The following DPP8 variants were observed in gnomAD, a reference collection of about 807,000 sequenced individuals.
The protein encoded by DPP8 is DPP VIII.
In DPP8, 31 loss-of-function variants were observed where a neutral mutation model predicts 107.5. That is an observed-to-expected ratio of 0.29 (90% CI 0.22 to 0.39). The LOEUF is 0.39. Among genes scored for constraint, DPP8 ranks in the 10% least tolerant of loss-of-function variants. The probability of loss-of-function intolerance (pLI) is 1.00; values close to 1 mark genes in which losing one functional copy is unlikely to be tolerated. For missense variants in DPP8, 842 were observed against 1,076.1 expected (o/e 0.78, Z 3.04); for synonymous variants, 381 against 356.6 (o/e 1.07, Z -0.77).
At chr15:65,476,798 C>T (rs2066427964) in intron 11 of DPP8, among the ~76,000 whole-genome samples, 1 of 152,114 alleles carries the variant, frequency 6.6e-6, no homozygotes, top group South Asian at 2.1e-4. Flanking sequence ...ATCCCAGTGC[C>T]CATCAACAGA....
chr15:65,512,630 G>A lies in DPP8; in HGVS notation c.-11-66C>T, dbSNP rs531023095. ...TTCTATTATCAGAATGATTCTCTGA[G>A]AGGGTCAAAAAAAAAGCGGGGGAGT... is the stretch of plus-strand genomic sequence containing the variant. On this transcript the variant is annotated intron_variant, in intron 1 of 19. Transcript: ENST00000300141. 4.5e-6 allele frequency: 7 copies of A among 1,553,962 alleles called. No homozygotes were observed. The African/African-American group carries it at 6.9e-5, about 15-fold the overall frequency.
At chr15:65,489,082 TC>T (rs1285492308) in intron 6 of DPP8, among the ~76,000 whole-genome samples, 4 of 152,134 alleles carry the variant, frequency 2.6e-5, no homozygotes, top group African/African-American at 9.7e-5. Context: ...TGCCTCAGCC[TC>T]CCGAGTAGCT....
chr15:65,494,001 C>A (rs1288400835), intron 5 of DPP8, among the ~76,000 whole-genome samples: 1 of 141,740 alleles, frequency 7.1e-6, no homozygotes, highest in East Asian at 1.9e-4. Context: ...GATATTAACT[C>A]ATTAAAGCCT....
At chr15:65,496,158 T>G (rs1440353762) in intron 5 of DPP8, among the ~76,000 whole-genome samples, 4 of 151,920 alleles carry the variant, frequency 2.6e-5, no homozygotes, top group African/African-American at 4.8e-5. Flanking sequence ...TAATTTTTTG[T>G]AGTTTTCGTA....
chr15:65,459,892 T>C (rs953856933), intron 15 of DPP8, among the ~76,000 whole-genome samples: 109 of 151,526 alleles, frequency 7.2e-4, no homozygotes, highest in African/African-American at 2.5e-3. Context: ...GAGGTGGAGG[T>C]TGCAGTGAGC....
chr15:65,465,595 G>A (rs2065278232), intron 14 of DPP8, among the ~76,000 whole-genome samples: 3 of 138,412 alleles, frequency 2.2e-5, no homozygotes, highest in East Asian at 4.2e-4. Context: ...TGACTCCGTC[G>A]CCCAGGCTGG....
At position 65,478,925 on chromosome 15, in the gene DPP8, T is replaced by G; in HGVS notation, c.1411A>C (p.Lys471Gln). ...CTGGATCGTTTATATTTGCTTTCCT[T>G]TAAAATAGATGTAATTTTGTATAAA... ...RHLYKITSIL[K>Q]ESKYKRSSGG... Residue 471 changes from lysine (K) to glutamine (Q), a missense_variant, in exon 11 of 20, where the codon AAG becomes CAG. Physicochemically the swap from Lys to Gln is moderately conservative, Grantham distance 53. Transcript: ENST00000300141. 1 of 1,595,104 alleles carries G rather than the reference T, an allele frequency of 6.3e-7. No homozygotes were observed. Among genetic ancestry groups the G allele is most frequent in the Non-Finnish European group, 8.5e-7 (1 of 1,173,146 alleles).
chr15:65,465,450 G>A (rs1290410523), intron 14 of DPP8, among the ~76,000 whole-genome samples: 2 of 151,904 alleles, frequency 1.3e-5, no homozygotes, highest in African/African-American at 2.4e-5. Context: ...TTACAGGCAT[G>A]AGCCACTACG....
chr15:65,445,298 T>C lies in DPP8; in HGVS notation c.*1586A>G, dbSNP rs2063456305. ...GATGAGAAAGAAATATAGCAAATTT[T>C]CTTGGAGTGTTGTTTAAAAGTATTG... is the stretch of plus-strand genomic sequence containing the variant. On this transcript the variant is annotated 3_prime_UTR_variant, in exon 20 of 20. Coordinates refer to ENST00000300141, the MANE Select transcript of DPP8 (RefSeq NM_130434.5). 1 of 152,224 alleles carries C rather than the reference T, an allele frequency of 6.6e-6. No homozygotes were observed. The highest frequency in any genetic ancestry group is 2.4e-5 in the African/African-American group (1 of 41,458). The allele number at this position is 152,224 out of a possible 1,614,324, so 9.4% of individuals were successfully genotyped here.
Position 65,466,747 on chromosome 15 carries a change from G to T in DPP8, c.1756C>A (p.Leu586Ile). The T allele has an allele frequency of 6.2e-7, 1 of 1,613,894 alleles. No individual in the cohort carries two copies. Among genetic ancestry groups the T allele is most frequent in the Non-Finnish European group, 8.5e-7 (1 of 1,179,800 alleles). ...KNPHCVSLYK[L>I]SSPEDDPTCK... ...GTTGGGTCATCTTCAGGACTTGATA[G>T]CTTGTAAAGGGACACACAGTGTGGA... The change falls in exon 14 of 20, where the codon CTA becomes ATA. Residue 586 changes from leucine (L) to isoleucine (I), a missense_variant. Physicochemically the swap from Leu to Ile is conservative, Grantham distance 5. This residue lies in a region of DPP8 where 663 missense variants were observed against 758.0 expected (regional missense o/e 0.87). Coordinates refer to ENST00000300141, the MANE Select transcript of DPP8 (RefSeq NM_130434.5).
chr15:65,503,431 CT>C (rs2069494236), intron 3 of DPP8, among the ~76,000 whole-genome samples: 1 of 150,804 alleles, frequency 6.6e-6, no homozygotes, highest in Admixed American at 6.6e-5. Context: ...TTGTTGATTA[CT>C]TTTTTCTTTC....
At chr15:65,461,079 C>T (rs966643408) in intron 15 of DPP8, among the ~76,000 whole-genome samples, 3 of 152,148 alleles carry the variant, frequency 2.0e-5, no homozygotes, top group Non-Finnish European at 4.4e-5. Flanking sequence ...TCCCTAATGA[C>T]TAGTCATATT....
At chr15:65,473,792 G>A (rs751933722) in intron 12 of DPP8, among the ~76,000 whole-genome samples, 7 of 152,054 alleles carry the variant, frequency 4.6e-5, no homozygotes, top group African/African-American at 7.2e-5. Context: ...ATTTTAGGCC[G>A]TAACTTAATA....
chr15:65,487,963 C>T, intron 6 of DPP8, 145 bp from the exon 7 acceptor site: 2 of 620,148 alleles, frequency 3.2e-6, no homozygotes, highest in East Asian at 3.0e-5. Flanking sequence ...GAAAATATCA[C>T]TAGTCTTTGC....
chr15:65,456,371 C>T lies in DPP8; in HGVS notation c.1972G>A (p.Val658Met). Residue 658 changes from valine to methionine, a missense_variant and splice_region_variant, in exon 16 of 20, where the codon GTG becomes ATG. Val to Met is a conservative substitution (Grantham distance 21). Transcript: ENST00000300141. Reference protein sequence around the residue: ...TVLFIYGGPQVQLVNNRFKGV... With the variant: ...TVLFIYGGPQMQLVNNRFKGV... ...TTAAACCGATTATTCACCAACTGCA[C>T]CTGAGGAAGAAACACAACTTCAGTT... The T allele has an allele frequency of 1.2e-6, 2 of 1,606,612 alleles. No homozygotes were observed. The highest frequency in any genetic ancestry group is 1.1e-5 in the South Asian group (1 of 88,902).
intron 19 of DPP8, among the ~76,000 whole-genome samples, chr15:65,449,374 T>C (rs994320055): frequency 2.0e-5 from 3 of 151,366 alleles, no homozygotes; most frequent in African/African-American, 4.8e-5. Context: ...TATCAAAGAA[T>C]AGTATTTACA....
intron 12 of DPP8, among the ~76,000 whole-genome samples, chr15:65,470,944 T>C (rs1292906241): frequency 7.3e-6 from 1 of 137,220 alleles, no homozygotes; most frequent in East Asian, 2.0e-4. Context: ...AGAGGGAAAA[T>C]AGAGAAGAGG....
chr15:65,464,287 C>T (rs578241756), intron 14 of DPP8, among the ~76,000 whole-genome samples: 197 of 151,706 alleles, frequency 1.3e-3, no homozygotes, highest in African/African-American at 2.9e-3. Context: ...GGTGTGAACC[C>T]GGGAGGTGGA....
At chr15:65,484,300 C>T (rs1460135843) in intron 8 of DPP8, among the ~76,000 whole-genome samples, 9 of 147,966 alleles carry the variant, frequency 6.1e-5, no homozygotes, top group Admixed American at 1.4e-4. Context: ...CACTCCAGCC[C>T]GGGTGACAGT....
Sources: allele counts gnomAD v4.1 joint callset (sites outside exome capture counted in the v4.1 genomes callset), GRCh38; gene constraint gnomAD v4.1.1; regional missense constraint gnomAD v4.1.1; transcripts MANE v1.5; gene names NCBI Gene and HGNC (gene_info 2026-07-23, HGNC 2026-07-21).